CLINT1: variants seen among roughly 807,000 people sequenced by gnomAD.
The protein encoded by CLINT1 is clathrin interactor 1, also known as clathrin interacting protein localized in the trans-Golgi region.
A neutral mutation model predicts 70.4 loss-of-function variants in CLINT1; 15 were observed. The observed-to-expected ratio is 0.21, with a 90% CI of 0.14 to 0.33. CLINT1 has a LOEUF of 0.33. Ranked by LOEUF, CLINT1 falls within the 10% of genes least tolerant of loss-of-function variation. CLINT1 has a pLI of 1.00. For missense variants in CLINT1, 615 were observed against 778.1 expected, an observed-to-expected ratio of 0.79 and a Z score of 2.49; for synonymous variants, 227 against 254.7, an observed-to-expected ratio of 0.89 and a Z score of 1.04.
At chr5:157,794,204 TC>T (rs1762001369) in intron 9 of CLINT1, among the ~76,000 whole-genome samples, 1 of 152,098 alleles carries the variant, frequency 6.6e-6, no homozygotes, top group African/African-American at 2.4e-5. Context: ...GCAACACCGT[TC>T]CCAGTTTTAG....
chr5:157,855,529 A>C (rs1276019593), intron 1 of CLINT1, among the ~76,000 whole-genome samples: 2 of 152,164 alleles, frequency 1.3e-5, no homozygotes, highest in Admixed American at 1.3e-4. Context: ...AAGCTCTGGC[A>C]GGCCTATGGC....
Position 157,811,306 on chromosome 5 carries a change from C to G in CLINT1, c.518-1501G>C, listed in dbSNP as rs535647989. ...CCTGTAATCCCAGCACTTTGGGAGGCCAAGGTGGCTGGATCACTTGAGGTC... is the reference window on the plus strand; with the variant it reads ...CCTGTAATCCCAGCACTTTGGGAGGGCAAGGTGGCTGGATCACTTGAGGTC... On this transcript the variant is annotated intron_variant, in intron 5 of 11. Coordinates refer to ENST00000411809, the MANE Select transcript of CLINT1 (RefSeq NM_014666.4). Among the ~76,000 whole-genome samples the G allele has an allele frequency of 8.5e-5, 13 of 152,088 alleles. No individual in the cohort carries two copies. The South Asian group carries it at 2.7e-3, about 32-fold the overall frequency.
In CLINT1 at chr5:157,787,969, T is replaced by A. The variant is rs776718973; in HGVS notation, c.1555A>T (p.Met519Leu). Reference sequence around the variant, plus strand: ...TTCACAGCTCCAAAACTTTGAGTCATCACATTCATAGGCTGCTGCATATCT... The same window carrying A: ...TTCACAGCTCCAAAACTTTGAGTCAACACATTCATAGGCTGCTGCATATCT... ...QQNMQQPMNVMTQSFGAVNLS... is the reference protein window; with the variant it reads ...QQNMQQPMNVLTQSFGAVNLS... Residue 519 changes from methionine to leucine, a missense_variant, in exon 12 of 12, where the codon ATG (methionine) becomes TTG (leucine). Around this residue, in one of 2 missense-constraint regions of CLINT1, gnomAD observed 374 missense variants for 409.6 expected, o/e 0.91. Transcript: ENST00000411809. 6 of 1,610,052 alleles carry A rather than the reference T, an allele frequency of 3.7e-6. No individual in the cohort carries two copies. The Admixed American group carries it at 1.0e-4, about 27-fold the overall frequency.
intron 1 of CLINT1, among the ~76,000 whole-genome samples, chr5:157,837,191 C>T (rs779690142): frequency 7.2e-5 from 11 of 152,184 alleles, no homozygotes; most frequent in East Asian, 1.9e-4. Flanking sequence ...TGCTTGAGCC[C>T]GGGAGTTTAA....
chr5:157,851,388 T>C (rs1753570467), intron 1 of CLINT1, among the ~76,000 whole-genome samples: 1 of 152,122 alleles, frequency 6.6e-6, no homozygotes, highest in African/African-American at 2.4e-5. Context: ...ATAAAATTCA[T>C]GTCAAAACAA....
At chr5:157,796,455 A>G (rs1408612647) in intron 8 of CLINT1, among the ~76,000 whole-genome samples, 1 of 152,160 alleles carries the variant, frequency 6.6e-6, no homozygotes, top group Non-Finnish European at 1.5e-5. Flanking sequence ...GTCCTTAAAG[A>G]TTTCACCTCT....
At chr5:157,838,039 T>C (rs945966348) in intron 1 of CLINT1, among the ~76,000 whole-genome samples, 5 of 152,146 alleles carry the variant, frequency 3.3e-5, no homozygotes, top group Non-Finnish European at 5.9e-5. Flanking sequence ...TTTTCAGCTT[T>C]ATATACATTT....
chr5:157,852,952 T>C (rs1287965159), intron 1 of CLINT1, among the ~76,000 whole-genome samples: 2 of 152,154 alleles, frequency 1.3e-5, no homozygotes, highest in African/African-American at 4.8e-5. Context: ...GACTAAAAAG[T>C]TAACTGTATA....
At chr5:157,831,420 G>C (rs1763240846) in intron 1 of CLINT1, among the ~76,000 whole-genome samples, 1 of 151,966 alleles carries the variant, frequency 6.6e-6, no homozygotes, top group Admixed American at 6.6e-5. Flanking sequence ...TCAAACTCTT[G>C]ACCTCAGGGA....
intron 1 of CLINT1, among the ~76,000 whole-genome samples, chr5:157,830,775 T>C (rs1287609244): frequency 7.8e-6 from 1 of 128,608 alleles, no homozygotes; most frequent in African/African-American, 2.9e-5. Context: ...TCTCTCTCTC[T>C]CTCTCTCTCT....
chr5:157,855,901 C>T (rs1184582693), intron 1 of CLINT1, among the ~76,000 whole-genome samples: 6 of 151,646 alleles, frequency 4.0e-5, no homozygotes, highest in Non-Finnish European at 4.4e-5. Flanking sequence ...CGCCACTGCA[C>T]TTCAGCCCCG....
chr5:157,818,754 TAA>T (rs1345915738), intron 1 of CLINT1, among the ~76,000 whole-genome samples: 1 of 152,196 alleles, frequency 6.6e-6, no homozygotes, highest in Non-Finnish European at 1.5e-5. Context: ...AAAATCAGAT[TAA>T]GACATGAGAT....
At chr5:157,809,562 C>A (rs1762482673) in intron 6 of CLINT1, 66 bp downstream of exon 6, 34 of 1,381,448 alleles carry the variant, frequency 2.5e-5, no homozygotes, top group South Asian at 1.4e-4. Context: ...AACAAAAAAC[C>A]AAAAACCCAG....
chr5:157,856,062 A>G (rs1207596050), intron 1 of CLINT1, among the ~76,000 whole-genome samples: 5 of 152,260 alleles, frequency 3.3e-5, no homozygotes, highest in African/African-American at 4.8e-5. Context: ...CTGGGTATCA[A>G]TATACACTAA....
At chr5:157,814,341 A>G in intron 3 of CLINT1, 48 bp from the exon 4 acceptor site, 1 of 1,274,742 alleles carries the variant, frequency 7.8e-7, no homozygotes, top group Non-Finnish European at 1.1e-6. Context: ...ATATTCTAGT[A>G]GAGCTTTGGT....
intron 1 of CLINT1, among the ~76,000 whole-genome samples, chr5:157,836,150 C>T (rs1365096426): frequency 6.6e-6 from 1 of 152,192 alleles, no homozygotes; most frequent in East Asian, 1.9e-4. Flanking sequence ...CTCTCTTCCA[C>T]AATACAGCCA....
Position 157,789,467 on chromosome 5 carries a change from G to A in CLINT1, c.1427C>T (p.Thr476Ile), listed in dbSNP as rs1417929141. 6 of 1,613,950 alleles carry A rather than the reference G, an allele frequency of 3.7e-6. No individual in the cohort carries two copies. Among genetic ancestry groups the A allele is most frequent in the Non-Finnish European group, 5.1e-6 (6 of 1,179,846 alleles). The change falls in exon 11 of 12, where the codon ACT (threonine) becomes ATT (isoleucine). Residue 476 changes from threonine (T) to isoleucine (I), a missense_variant. Around this residue, in one of 2 missense-constraint regions of CLINT1, gnomAD observed 374 missense variants for 409.6 expected, o/e 0.91. Transcript: ENST00000411809. ...GATGTTTACACTGGGGTCAGACCAA[G>A]TAGAGGGCAAGGTTTTGCTGACTGA... ...QKSVSKTLPS[T>I]WSDPSVNISL...
Position 157,814,377 on chromosome 5 carries a change from C to T in CLINT1, c.244-84G>A, listed in dbSNP as rs1396941598. On this transcript the variant is annotated intron_variant, in intron 3 of 11. Transcript: ENST00000411809. ...AAATGGTTAAAAAAAATAATTCTAA[C>T]ATTAGCAAATAAAGAATCTTCATGC... is the stretch of plus-strand genomic sequence containing the variant. The T allele has an allele frequency of 1.8e-5, 17 of 926,000 alleles. No individual in the cohort carries two copies. The East Asian group carries it at 4.5e-4, about 25-fold the overall frequency. 57.4% of individuals were successfully genotyped at this position (926,000 alleles called of 1,614,324 possible).
In CLINT1 at chr5:157,805,900, T is replaced by C. The variant is rs1347802082; in HGVS notation, c.908A>G (p.Asn303Ser). The change falls in exon 7 of 12, where the codon AAT becomes AGT. Residue 303 changes from asparagine (N) to serine (S), a missense_variant. By Grantham distance (46) the Asn-to-Ser change is conservative. Around this residue, in one of 2 missense-constraint regions of CLINT1, gnomAD observed 374 missense variants for 409.6 expected, o/e 0.91. Coordinates refer to ENST00000411809, the MANE Select transcript of CLINT1 (RefSeq NM_014666.4). ...YTGDKASPDQ[N>S]ASTHTPQSSV... The stretch of plus-strand genomic sequence containing the variant: ...AGACTGAGGTGTGTGGGTTGAAGCA[T>C]TCTGATCTGGACTTGCTTTGTCCCC... 1 of 1,613,994 alleles carries C rather than the reference T, an allele frequency of 6.2e-7. No individual in the cohort carries two copies. The highest frequency in any genetic ancestry group is 8.5e-7 in the Non-Finnish European group (1 of 1,179,886).
Sources: allele counts gnomAD v4.1 joint callset (sites outside exome capture counted in the v4.1 genomes callset), GRCh38; gene constraint gnomAD v4.1.1; regional missense constraint gnomAD v4.1.1; transcripts MANE v1.5; gene names NCBI Gene and HGNC (gene_info 2026-07-23, HGNC 2026-07-21).